NEK10: variants seen among roughly 807,000 people sequenced by gnomAD.
The protein encoded by NEK10 is serine/threonine-protein kinase Nek10.
In NEK10, 122 loss-of-function variants were observed where a neutral mutation model predicts 159.8. That is an observed-to-expected ratio of 0.76 (90% CI 0.66 to 0.89). The LOEUF is 0.89. Among genes scored for constraint, NEK10 ranks in the 40% least tolerant of loss-of-function variants. The pLI, the probability that NEK10 is intolerant of heterozygous loss-of-function variation, is 0.00. For synonymous variants in NEK10, 466 were observed against 457.1 expected, an observed-to-expected ratio of 1.02 and a Z score of -0.25; for missense variants, 1,342 against 1,323.1, an observed-to-expected ratio of 1.01 and a Z score of -0.22.
rs13433722 is a variant in NEK10 at position 27,266,364 on chromosome 3, C to A, written c.2015-9993G>T. Among the ~76,000 whole-genome samples, 583 of 152,092 alleles carry A rather than the reference C, an allele frequency of 3.8e-3. 5 individuals carry two copies. Among genetic ancestry groups the A allele is most frequent in the African/African-American group, 0.013 (554 of 41,456 alleles). ...GCTGAGCTAATTTTTATATAAGATA[C>A]AATATGTAGGTTGAGGTTCTGATTT... On this transcript the variant is annotated intron_variant, in intron 22 of 35. Transcript: ENST00000691995.
chr3:27,143,184 C>T (rs919139289), intron 30 of NEK10, among the ~76,000 whole-genome samples: 19 of 152,144 alleles, frequency 1.2e-4, no homozygotes, highest in Admixed American at 2.6e-4. Flanking sequence ...TGTAACTGTT[C>T]GTCTAGACCC....
intron 5 of NEK10, among the ~76,000 whole-genome samples, chr3:27,334,148 C>T (rs1362706959): frequency 2.6e-5 from 4 of 152,190 alleles, no homozygotes; most frequent in Admixed American, 2.0e-4. Flanking sequence ...GCACCTAAAC[C>T]CTCCTCCCAA....
At chr3:27,209,048 A>G (rs1194194058) in intron 23 of NEK10, among the ~76,000 whole-genome samples, 1 of 152,210 alleles carries the variant, frequency 6.6e-6, no homozygotes, top group Non-Finnish European at 1.5e-5. Flanking sequence ...CACCTTTAAC[A>G]CAAATTTGAG....
In NEK10 at chr3:27,369,139, T is replaced by C. The variant is rs946567811; in HGVS notation, c.-38+86A>G. ...CTGGCTCCCGAGGCTTCGGGGCCGC[T>C]CCACAGGGACCTGAGGACGTCTCCC... is the stretch of plus-strand genomic sequence containing the variant. On this transcript the variant is annotated intron_variant, in intron 1 of 35. Transcript: ENST00000691995. This position sits in a 1 kb window ranked among gnomAD's most constrained non-coding sequence, Gnocchi z 4.2. The C allele has an allele frequency of 2.0e-5, 3 of 152,158 alleles. No homozygotes were observed. The highest frequency in any genetic ancestry group is 4.4e-5 in the Non-Finnish European group (3 of 68,098). 9.4% of individuals were successfully genotyped at this position (152,158 alleles called of 1,614,324 possible). A position where few individuals can be genotyped will look rare whatever the true frequency, so the allele number is the denominator to read the frequency against.
intron 23 of NEK10, among the ~76,000 whole-genome samples, chr3:27,204,032 C>G (rs895927143): frequency 1.3e-5 from 2 of 152,110 alleles, no homozygotes; most frequent in Admixed American, 6.5e-5. Context: ...AGAAAACATG[C>G]TCAACACAGA....
intron 22 of NEK10, among the ~76,000 whole-genome samples, chr3:27,268,050 C>G (rs3953260): frequency 0.043 from 6,601 of 152,284 alleles, 217 homozygotes; most frequent in African/African-American, 0.082. Context: ...CAAACCAACA[C>G]ATTCCCTTAA....
chr3:27,363,664 C>A (rs1191863038), intron 1 of NEK10: 4 of 152,122 alleles, frequency 2.6e-5, no homozygotes, highest in African/African-American at 9.7e-5. Context: ...TAAAGTATTA[C>A]ATTGATGTTA....
chr3:27,305,472 C>T (rs568339832), intron 11 of NEK10, among the ~76,000 whole-genome samples: 2 of 151,862 alleles, frequency 1.3e-5, no homozygotes, highest in South Asian at 2.1e-4. Context: ...TGCAGTGAGC[C>T]GAGGTCACTT....
Position 27,329,259 on chromosome 3 carries a change from A to G in NEK10, c.363-6998T>C, listed in dbSNP as rs536309327. Among the ~76,000 whole-genome samples, 4 of 152,348 alleles carry G rather than the reference A, an allele frequency of 2.6e-5. No homozygotes were observed. In the South Asian group the frequency reaches 8.3e-4, roughly 32 times the overall value. On this transcript the variant is annotated intron_variant, in intron 5 of 35. Transcript: ENST00000691995. Reference sequence around the variant, plus strand: ...GCCTCCCCAGCCACATGGAAATGTAAGTCCATTAAACTTTTTTCCTGTATA... The same window carrying G: ...GCCTCCCCAGCCACATGGAAATGTAGGTCCATTAAACTTTTTTCCTGTATA...
At chr3:27,156,408 A>C (rs577505976) in intron 30 of NEK10, among the ~76,000 whole-genome samples, 2 of 152,318 alleles carry the variant, frequency 1.3e-5, no homozygotes, top group Admixed American at 1.3e-4. Context: ...TAAATGTGAC[A>C]AAGGACTAAT....
intron 3 of NEK10, among the ~76,000 whole-genome samples, chr3:27,350,311 A>T (rs1227758994): frequency 6.6e-6 from 1 of 152,122 alleles, no homozygotes; most frequent in African/African-American, 2.4e-5. Flanking sequence ...GTTTTAATGT[A>T]TGACAACCTA....
chr3:27,297,289 T>G, intron 13 of NEK10, 49 bp from the exon 14 acceptor site: 1 of 1,211,436 alleles, frequency 8.3e-7, no homozygotes, highest in Non-Finnish European at 1.2e-6. Context: ...ACAATAAATA[T>G]ACTATCACAT....
intron 1 of NEK10, among the ~76,000 whole-genome samples, chr3:27,368,768 G>C (rs1367677894): frequency 6.6e-6 from 1 of 152,104 alleles, no homozygotes. Context: ...CAGATAGATG[G>C]TGCCTGAGGC....
At chr3:27,224,676 T>C (rs1479878494) in intron 23 of NEK10, among the ~76,000 whole-genome samples, 2 of 152,184 alleles carry the variant, frequency 1.3e-5, no homozygotes, top group Non-Finnish European at 2.9e-5. Flanking sequence ...GTTTTTTTCC[T>C]TACTCTCACT....
chr3:27,172,353 A>C (rs990359170), intron 28 of NEK10, among the ~76,000 whole-genome samples: 3 of 151,188 alleles, frequency 2.0e-5, no homozygotes, highest in Non-Finnish European at 4.4e-5. Context: ...AAAAAAAAAA[A>C]AAAAAACTTA....
chr3:27,197,891 C>T (rs1949701961), intron 25 of NEK10, among the ~76,000 whole-genome samples: 1 of 151,910 alleles, frequency 6.6e-6, no homozygotes, highest in African/African-American at 2.4e-5. Flanking sequence ...TGGTGTGCTG[C>T]ACCCATTAAC....
intron 23 of NEK10, chr3:27,215,723 T>C (rs1343506760): frequency 1.4e-6 from 1 of 699,874 alleles, no homozygotes; most frequent in Non-Finnish European, 2.6e-6. Flanking sequence ...AGAGGTTTAA[T>C]TGGCTCACGG....
intron 2 of NEK10, 141 bp downstream of exon 2, chr3:27,352,671 G>A: frequency 1.2e-6 from 1 of 804,076 alleles, no homozygotes; most frequent in South Asian, 1.6e-5. Flanking sequence ...TAGAACACTA[G>A]AAATGACCAG....
Position 27,352,536 on chromosome 3 carries a change from G to T in NEK10, c.72-11C>A. On this transcript the variant is annotated splice_polypyrimidine_tract_variant and intron_variant, in intron 2 of 35. Coordinates refer to ENST00000691995, the MANE Select transcript of NEK10 (RefSeq NM_001394966.1). ...AGATCTGAATAGTCCCTAGGAGAGA[G>T]AATAACACAATGTGAACCCACAGAA... The T allele has an allele frequency of 6.3e-7, 1 of 1,596,074 alleles. No individual in the cohort carries two copies. The highest frequency in any genetic ancestry group is 8.6e-7 in the Non-Finnish European group (1 of 1,163,862).
Sources: gnomAD v4.1 joint callset for allele counts (sites outside exome capture counted in the v4.1 genomes callset) on GRCh38, gnomAD v4.1.1 for gene constraint, Gnocchi (gnomAD v3.1) non-coding constraint, MANE v1.5 for transcripts, NCBI Gene and HGNC (gene_info 2026-07-23, HGNC 2026-07-21) for gene names.